Variants in NRXN3 observed in about 807,000 individuals in gnomAD.
NRXN3 encodes the protein neurexin 3.
Under a neutral mutation model 137.6 loss-of-function variants are expected in NRXN3, and 32 were observed. That is an observed-to-expected ratio of 0.23 (90% CI 0.18 to 0.31). The LOEUF (loss-of-function observed/expected upper bound fraction) is 0.31, where lower values mean the gene tolerates loss of function less well. NRXN3 is among the 10% of genes least tolerant of loss of function. The probability of loss-of-function intolerance (pLI) is 1.00; values close to 1 mark genes in which losing one functional copy is unlikely to be tolerated. For missense variants in NRXN3, 1,574 were observed against 2,062.5 expected (o/e 0.76, Z 4.59); for synonymous variants, 798 against 784.5 (o/e 1.02, Z -0.29).
intron 15 of NRXN3, among the ~76,000 whole-genome samples, chr14:78,989,419 G>T (rs1223758091): frequency 6.6e-6 from 1 of 152,140 alleles, no homozygotes; most frequent in Non-Finnish European, 1.5e-5. Flanking sequence ...ACACTGAGGA[G>T]AAACAAGTGG....
chr14:79,774,461 T>C (rs2099090310), intron 19 of NRXN3, among the ~76,000 whole-genome samples: 3 of 152,164 alleles, frequency 2.0e-5, no homozygotes, highest in South Asian at 2.1e-4. Context: ...TTTTCATGCA[T>C]TGAGATTTCC....
chr14:79,335,839 A>G (rs1344027069), intron 15 of NRXN3, among the ~76,000 whole-genome samples: 1 of 152,044 alleles, frequency 6.6e-6, no homozygotes, highest in Admixed American at 6.6e-5. Context: ...TACATTCACG[A>G]CTTTCATCCC....
At chr14:78,394,178 T>C (rs1221521381) in intron 4 of NRXN3, among the ~76,000 whole-genome samples, 1 of 152,016 alleles carries the variant, frequency 6.6e-6, no homozygotes, top group Admixed American at 6.6e-5. Context: ...GTTTATGATC[T>C]TAAGGGCAAA....
intron 1 of NRXN3, among the ~76,000 whole-genome samples, chr14:78,236,432 T>A (rs1339714514): frequency 2.0e-5 from 3 of 152,226 alleles, no homozygotes; most frequent in Non-Finnish European, 4.4e-5. Flanking sequence ...CAAAGCTGTA[T>A]AGTATTTTGC....
At chr14:79,323,593 C>T (rs1425498677) in intron 15 of NRXN3, among the ~76,000 whole-genome samples, 1 of 152,034 alleles carries the variant, frequency 6.6e-6, no homozygotes, top group East Asian at 1.9e-4. Context: ...GGCGTGGTGG[C>T]TCACGCCTGT....
intron 4 of NRXN3, among the ~76,000 whole-genome samples, chr14:78,579,705 G>T (rs1434895341): frequency 6.6e-6 from 1 of 152,156 alleles, no homozygotes; most frequent in Non-Finnish European, 1.5e-5. Flanking sequence ...CTGGCTAGAA[G>T]AGAGTGCTAC....
At chr14:79,808,907 C>T (rs543171493) in intron 20 of NRXN3, among the ~76,000 whole-genome samples, 29 of 152,190 alleles carry the variant, frequency 1.9e-4, no homozygotes, top group Non-Finnish European at 1.2e-4. Context: ...AGGGTCACCA[C>T]GGTTTGGTAT....
intron 4 of NRXN3, among the ~76,000 whole-genome samples, chr14:78,539,847 C>T (rs1168959209): frequency 6.6e-6 from 1 of 152,126 alleles, no homozygotes; most frequent in Non-Finnish European, 1.5e-5. Flanking sequence ...TTTATTTCTG[C>T]CTTCATTTTG....
intron 16 of NRXN3, among the ~76,000 whole-genome samples, chr14:79,562,543 G>A (rs892132865): frequency 6.6e-6 from 1 of 152,176 alleles, no homozygotes; most frequent in African/African-American, 2.4e-5. Flanking sequence ...GCTGGCATCA[G>A]ATAGAATGTC....
intron 4 of NRXN3, among the ~76,000 whole-genome samples, chr14:78,435,990 T>C (rs900665152): frequency 2.3e-4 from 35 of 152,274 alleles, no homozygotes; most frequent in African/African-American, 7.2e-4. Context: ...CCCAGAGCAA[T>C]TGGAATTCAG....
chr14:79,407,512 C>T (rs779907978), intron 15 of NRXN3, among the ~76,000 whole-genome samples: 5 of 152,108 alleles, frequency 3.3e-5, no homozygotes, highest in Non-Finnish European at 4.4e-5. Context: ...AATGACAGAA[C>T]TCTCAAATCC....
At chr14:78,676,539 A>T (rs1382126162) in intron 6 of NRXN3, among the ~76,000 whole-genome samples, 1 of 152,136 alleles carries the variant, frequency 6.6e-6, no homozygotes, top group Non-Finnish European at 1.5e-5. Context: ...AGTAAAGGTT[A>T]GTTCAAAAAA....
intron 20 of NRXN3, among the ~76,000 whole-genome samples, chr14:79,859,054 G>A (rs1001465317): frequency 2.7e-5 from 4 of 150,176 alleles, no homozygotes; most frequent in Admixed American, 2.0e-4. Flanking sequence ...AATCTGCACA[G>A]ATCATTTTGC....
intron 15 of NRXN3, among the ~76,000 whole-genome samples, chr14:79,154,082 GACTTTT>G (rs2060036957): frequency 6.6e-6 from 1 of 151,942 alleles, no homozygotes; most frequent in Non-Finnish European, 1.5e-5. Flanking sequence ...ACTCTTTTAT[GACTTTT>G]ACTTTACTTA....
chr14:78,399,776 A>G (rs2091876453), intron 4 of NRXN3, among the ~76,000 whole-genome samples: 1 of 152,186 alleles, frequency 6.6e-6, no homozygotes, highest in African/African-American at 2.4e-5. Flanking sequence ...GGAAATTCAC[A>G]ACACTGTCAT....
intron 10 of NRXN3, among the ~76,000 whole-genome samples, chr14:78,842,820 C>T (rs1473381127): frequency 6.6e-6 from 1 of 152,096 alleles, no homozygotes; most frequent in Non-Finnish European, 1.5e-5. Context: ...GATACTTCTC[C>T]CACTTGCTTT....
chr14:78,890,586 C>T lies in NRXN3; in HGVS notation c.2276-66656C>T, dbSNP rs555486573. On this transcript the variant is annotated intron_variant, in intron 10 of 20. Coordinates refer to ENST00000335750, the MANE Select transcript of NRXN3 (RefSeq NM_001330195.2). The stretch of plus-strand genomic sequence containing the variant: ...CTAAAATTACAAGCAGAAAGGAGGT[C>T]TGCATTTCTATAGCCTCTTCTTTTC... 4.0e-4 allele frequency among the ~76,000 whole-genome samples: 61 copies of T among 151,780 alleles called. 1 individual carries two copies. The highest frequency in any genetic ancestry group is 1.4e-3 in the African/African-American group (60 of 41,444).
intron 4 of NRXN3, among the ~76,000 whole-genome samples, chr14:78,489,128 C>T (rs1387955392): frequency 2.6e-5 from 4 of 152,134 alleles, no homozygotes; most frequent in Admixed American, 2.6e-4. Context: ...AACCATCCAA[C>T]ATTAATGAGC....
intron 16 of NRXN3, among the ~76,000 whole-genome samples, chr14:79,563,663 TAAA>T (rs5809943): frequency 1.3e-4 from 19 of 142,138 alleles, no homozygotes; most frequent in Admixed American, 2.8e-4. Context: ...CAAATAATGT[TAAA>T]AAAAAAAAAA....
Sources: allele counts gnomAD v4.1 joint callset (sites outside exome capture counted in the v4.1 genomes callset), GRCh38; gene constraint gnomAD v4.1.1; transcripts MANE v1.5; gene names NCBI Gene and HGNC (gene_info 2026-07-23, HGNC 2026-07-21).